Variants in PECAM1 observed in about 807,000 individuals in gnomAD.
PECAM1 encodes the protein platelet and endothelial cell adhesion molecule 1.
A neutral mutation model predicts 13.8 loss-of-function variants in PECAM1; 8 were observed. That is an observed-to-expected ratio of 0.58 (90% confidence interval 0.34 to 1.05). The LOEUF (loss-of-function observed/expected upper bound fraction) is 1.05. Ranked by LOEUF, PECAM1 falls within the 50% of genes least tolerant of loss-of-function variation. PECAM1 has a pLI of 0.03. For missense variants in PECAM1, 304 were observed against 141.2 expected, an observed-to-expected ratio of 2.15 and a Z score of -5.84; for synonymous variants, 136 against 52.6, an observed-to-expected ratio of 2.58 and a Z score of -6.86.
At chr17:64,339,616 G>A (rs1241106064) in intron 14 of PECAM1, among the ~76,000 whole-genome samples, 2 of 151,938 alleles carry the variant, frequency 1.3e-5, no homozygotes, top group South Asian at 2.1e-4. Flanking sequence ...AATAGAGAAC[G>A]GCTGTTTATT....
chr17:64,332,760 A>G (rs62071613), intron 14 of PECAM1, among the ~76,000 whole-genome samples: 8,373 of 152,252 alleles, frequency 0.055, 263 homozygotes, highest in Middle Eastern at 0.088. Flanking sequence ...CTCTCGGCCC[A>G]GCTAGTCTTG....
At chr17:64,330,635 CAA>C (rs200563172) in intron 14 of PECAM1, among the ~76,000 whole-genome samples, 8 of 107,726 alleles carry the variant, frequency 7.4e-5, no homozygotes, top group East Asian at 2.6e-4. Context: ...GACTCCATCT[CAA>C]AAAAAAAAAA....
rs1043709168 is a variant in PECAM1, at chr17:64,321,596, A to C, written c.*2220T>G. The C allele has an allele frequency of 2.8e-5, 10 of 355,004 alleles. No homozygotes were observed. In the African/African-American group the frequency reaches 3.9e-4, roughly 14 times the overall value. The allele number at this position is 355,004 out of a possible 1,614,324, so 22.0% of individuals were successfully genotyped here. A position where few individuals can be genotyped will look rare whatever the true frequency, so the allele number is the denominator to read the frequency against. Reference sequence around the variant, plus strand: ...ACCATGGTGAAACCTCATCTCTGCAAAAAAAAAATTAAAAATTAGCCAGCT... The same window carrying C: ...ACCATGGTGAAACCTCATCTCTGCACAAAAAAAATTAAAAATTAGCCAGCT... On this transcript the variant is annotated 3_prime_UTR_variant, in exon 16 of 16. Transcript: ENST00000563924.
chr17:64,334,492 G>A (rs9899806), intron 14 of PECAM1, among the ~76,000 whole-genome samples: 71,547 of 151,724 alleles, frequency 0.47, 18,090 homozygotes, highest in East Asian at 0.69. Flanking sequence ...TGATCTCACA[G>A]ACCTACCCCA....
intron 14 of PECAM1, 107 bp from the exon 15 acceptor site, chr17:64,329,829 G>T: frequency 1.4e-6 from 1 of 714,954 alleles, no homozygotes; most frequent in South Asian, 1.5e-5. Context: ...GGGAGGAGGC[G>T]AGAGCCAGGA....
At chr17:64,339,064 T>C (rs2035360580) in intron 14 of PECAM1, among the ~76,000 whole-genome samples, 1 of 152,148 alleles carries the variant, frequency 6.6e-6, no homozygotes, top group Non-Finnish European at 1.5e-5. Flanking sequence ...CACACTAAGG[T>C]GCCCCTCACC....
chr17:64,324,574 C>T (rs1458372618), intron 15 of PECAM1, among the ~76,000 whole-genome samples: 1 of 152,210 alleles, frequency 6.6e-6, no homozygotes, highest in African/African-American at 2.4e-5. Context: ...TGACTTCTAG[C>T]TCCAGTTCTG....
At chr17:64,356,789 G>A (rs1362212704) in intron 7 of PECAM1, among the ~76,000 whole-genome samples, 2 of 152,104 alleles carry the variant, frequency 1.3e-5, no homozygotes, top group Admixed American at 6.6e-5. Context: ...ACCATGCCAG[G>A]CCACAGACAA....
At chr17:64,385,782 A>C (rs953157261) in intron 2 of PECAM1, among the ~76,000 whole-genome samples, 1 of 152,224 alleles carries the variant, frequency 6.6e-6, no homozygotes, top group Non-Finnish European at 1.5e-5. Context: ...GGCCAAGGAC[A>C]GGCAGTGGGG....
rs1178866712 is a variant in PECAM1, at chr17:64,363,333, G to A, written c.1032C>T (p.Asn344=). The change falls in exon 6 of 16, where the codon AAC becomes AAT. Residue 344 remains asparagine (N), a synonymous_variant. Coordinates refer to ENST00000563924, the MANE Select transcript of PECAM1 (RefSeq NM_000442.5). ...GTGCTCCTGGGATGGAGCAGGACAG[G>A]TTCAGTCTTTCACCTTGGTCCAGAT... is the stretch of plus-strand genomic sequence containing the variant. ...FTHLDQGERL[N]LSCSIPGAPP... 2 of 475,260 alleles carry A rather than the reference G, an allele frequency of 4.2e-6. No homozygotes were observed. Among genetic ancestry groups the A allele is most frequent in the Admixed American group, 6.3e-5 (2 of 31,722 alleles). 29.4% of individuals were successfully genotyped at this position (475,260 alleles called of 1,614,324 possible).
chr17:64,380,532 G>C (rs1481325476), intron 2 of PECAM1, among the ~76,000 whole-genome samples: 1 of 152,072 alleles, frequency 6.6e-6, no homozygotes, highest in Non-Finnish European at 1.5e-5. Flanking sequence ...ACTATGTCTG[G>C]TATGCTTTCT....
rs1025844711 is a variant in PECAM1 at position 64,356,186 on chromosome 17, C to G, written c.1705G>C (p.Glu569Gln). 1 of 475,040 alleles carries G rather than the reference C, an allele frequency of 2.1e-6. No individual in the cohort carries two copies. The highest frequency in any genetic ancestry group is 3.2e-5 in the Admixed American group (1 of 31,660). 29.4% of individuals were successfully genotyped at this position (475,040 alleles called of 1,614,324 possible). A position where few individuals can be genotyped will look rare whatever the true frequency, so the allele number is the denominator to read the frequency against. The change falls in exon 8 of 16, where the codon GAG becomes CAG. Residue 569 changes from glutamate to glutamine, a missense_variant. By Grantham distance (29) the Glu-to-Gln change is conservative. Transcript: ENST00000563924. ...KQKASKEQEG[E>Q]YYCTAFNRAN... ...CTGTTGAAGGCTGTGCAGTAATACT[C>G]TCCCTCCTGTTCCTTGCTAGCCTTC...
chr17:64,357,915 G>T (rs1055160916), intron 7 of PECAM1, among the ~76,000 whole-genome samples: 2 of 152,042 alleles, frequency 1.3e-5, no homozygotes, highest in Non-Finnish European at 2.9e-5. Flanking sequence ...CAGGTGGATC[G>T]TTCCGAGAAC....
chr17:64,337,209 G>C (rs1209421345), intron 14 of PECAM1, among the ~76,000 whole-genome samples: 2 of 152,250 alleles, frequency 1.3e-5, no homozygotes, highest in South Asian at 2.1e-4. Flanking sequence ...TCACCCCTGG[G>C]CAGGTTAGAG....
At position 64,321,844 on chromosome 17, in the gene PECAM1, T is replaced by C. The variant is rs782378396; in HGVS notation, c.*1972A>G. 1 of 1,349,622 alleles carries C rather than the reference T, an allele frequency of 7.4e-7. No individual in the cohort carries two copies. Among genetic ancestry groups the C allele is most frequent in the Non-Finnish European group, 9.8e-7 (1 of 1,019,722 alleles). The allele number at this position is 1,349,622 out of a possible 1,614,324, so 83.6% of individuals were successfully genotyped here. A position where few individuals can be genotyped will look rare whatever the true frequency, so the allele number is the denominator to read the frequency against. ...AGGAATAGGGTCTTTGCAGCTCCCG[T>C]GGCAATTGCCCTTCTCTGGTGGTGG... is the stretch of plus-strand genomic sequence containing the variant. On this transcript the variant is annotated 3_prime_UTR_variant, in exon 16 of 16. Transcript: ENST00000563924.
intron 5 of PECAM1, among the ~76,000 whole-genome samples, chr17:64,368,100 G>A (rs1420436722): frequency 4.6e-5 from 7 of 152,142 alleles, no homozygotes; most frequent in African/African-American, 1.4e-4. Flanking sequence ...CCCCTTCACC[G>A]TGCAACCAAG....
chr17:64,355,395 A>G (rs2035823271), intron 8 of PECAM1, among the ~76,000 whole-genome samples: 2 of 152,260 alleles, frequency 1.3e-5, no homozygotes, highest in African/African-American at 4.8e-5. Flanking sequence ...GGCTTGAGCA[A>G]TCCTTCCACC....
intron 15 of PECAM1, among the ~76,000 whole-genome samples, chr17:64,325,360 C>G (rs1030694040): frequency 1.3e-5 from 2 of 152,024 alleles, no homozygotes; most frequent in Admixed American, 1.3e-4. Flanking sequence ...TGCACTCCAA[C>G]CTGGGCGACA....
At chr17:64,353,172 A>T (rs889249586) in intron 10 of PECAM1, among the ~76,000 whole-genome samples, 7 of 152,140 alleles carry the variant, frequency 4.6e-5, no homozygotes, top group Admixed American at 4.6e-4. Flanking sequence ...GTCAAATTTT[A>T]AAAAATTTAT....
Sources: gnomAD v4.1 joint callset for allele counts (sites outside exome capture counted in the v4.1 genomes callset) on GRCh38, gnomAD v4.1.1 for gene constraint, MANE v1.5 for transcripts, NCBI Gene and HGNC (gene_info 2026-07-23, HGNC 2026-07-21) for gene names.